The following TPO variants were observed in gnomAD, a reference collection of about 807,000 sequenced individuals.
TPO encodes thyroid peroxidase.
Under a neutral mutation model 96.9 loss-of-function variants are expected in TPO, and 78 were observed. That is an observed-to-expected ratio of 0.81 (90% CI 0.67 to 0.97). TPO has a LOEUF of 0.97. TPO is among the 50% of genes least tolerant of loss of function. The probability of loss-of-function intolerance (pLI) is 0.00; values close to 1 mark genes in which losing one functional copy is unlikely to be tolerated. For missense variants in TPO, 1,252 were observed against 1,274.8 expected (o/e 0.98, Z 0.27); for synonymous variants, 547 against 538.0 (o/e 1.02, Z -0.23).
At chr2:1,406,642 C>G (rs142206206) in intron 1 of TPO, among the ~76,000 whole-genome samples, 6 of 152,344 alleles carry the variant, frequency 3.9e-5, no homozygotes, top group Admixed American at 2.0e-4. Context: ...ATTAATCTCA[C>G]TTAGGGTCAC....
intron 3 of TPO, among the ~76,000 whole-genome samples, chr2:1,430,279 C>T (rs1167253049): frequency 6.6e-6 from 1 of 152,202 alleles, no homozygotes; most frequent in Non-Finnish European, 1.5e-5. Flanking sequence ...ACAGCTTGAA[C>T]AGTCCAAGCC....
intron 1 of TPO, among the ~76,000 whole-genome samples, chr2:1,393,904 C>G (rs140392956): frequency 1.8e-3 from 277 of 152,304 alleles, no homozygotes; most frequent in African/African-American, 6.3e-3. Flanking sequence ...AGTGGAGCTA[C>G]TATTTATTTC....
At chr2:1,427,515 C>A (rs897533792) in intron 3 of TPO, among the ~76,000 whole-genome samples, 6 of 152,164 alleles carry the variant, frequency 3.9e-5, no homozygotes, top group African/African-American at 1.2e-4. Flanking sequence ...CTGGCAGGCA[C>A]CCCTCGGACA....
intron 14 of TPO, among the ~76,000 whole-genome samples, chr2:1,514,015 A>G (rs1674430199): frequency 6.6e-6 from 1 of 152,198 alleles, no homozygotes; most frequent in Non-Finnish European, 1.5e-5. Context: ...CTATGTACCG[A>G]TATGTGAAAG....
chr2:1,527,858 C>CAT (rs1676974595), intron 15 of TPO, among the ~76,000 whole-genome samples: 1 of 41,198 alleles, frequency 2.4e-5, no homozygotes, highest in Non-Finnish European at 5.3e-5. Flanking sequence ...AAATCCCCCC[C>CAT]ACTGTGTTCA....
chr2:1,538,958 T>C (rs1262090486), intron 15 of TPO, among the ~76,000 whole-genome samples: 1 of 152,160 alleles, frequency 6.6e-6, no homozygotes, highest in African/African-American at 2.4e-5. Context: ...CCTCTGTCTT[T>C]ACCCGGCCTT....
chr2:1,446,939 A>C (rs1327515605), intron 5 of TPO, among the ~76,000 whole-genome samples: 1 of 152,170 alleles, frequency 6.6e-6, no homozygotes, highest in Non-Finnish European at 1.5e-5. Context: ...TCTGTGACCC[A>C]TCTCATTTTA....
intron 1 of TPO, among the ~76,000 whole-genome samples, chr2:1,399,237 A>C (rs1662129987): frequency 6.6e-6 from 1 of 152,198 alleles, no homozygotes; most frequent in Non-Finnish European, 1.5e-5. Context: ...CGTGCTCTCC[A>C]AGCCCTCCTG....
Position 1,462,541 on chromosome 2 carries a change from C to CACACACACACACACACACAT in TPO, c.819+6260_819+6261insCACACACACACACACACATA, listed in dbSNP as rs58980999. ...AAACACACACACACACACACACACA[C>CACACACACACACACACACAT]AGATATCAATGAAAGATAAATGAAC... is the stretch of plus-strand genomic sequence containing the variant. On this transcript the variant is annotated intron_variant, in intron 7 of 16. Transcript: ENST00000329066. Among the ~76,000 whole-genome samples the CACACACACACACACACACAT allele has an allele frequency of 2.8e-3, 418 of 148,004 alleles. 27 individuals are homozygous for CACACACACACACACACACAT. Among genetic ancestry groups the CACACACACACACACACACAT allele is most frequent in the African/African-American group, 0.01 (396 of 39,360 alleles).
intron 1 of TPO, among the ~76,000 whole-genome samples, chr2:1,404,486 ATTAAG>A (rs1662218994): frequency 6.6e-6 from 1 of 152,198 alleles, no homozygotes; most frequent in South Asian, 2.1e-4. Flanking sequence ...CAAAGAGGTA[ATTAAG>A]TTAAAGTAAG....
chr2:1,527,360 C>G (rs1676827764), intron 15 of TPO, among the ~76,000 whole-genome samples: 1 of 145,104 alleles, frequency 6.9e-6, no homozygotes, highest in Non-Finnish European at 1.5e-5. Context: ...GCAACCTCCC[C>G]AAATCCCCGC....
chr2:1,501,296 G>A (rs575982836), intron 13 of TPO, among the ~76,000 whole-genome samples: 1 of 152,324 alleles, frequency 6.6e-6, no homozygotes, highest in South Asian at 2.1e-4. Flanking sequence ...AACTCAAGGC[G>A]AAGCAGTCGG....
chr2:1,398,796 T>C (rs1483584218), intron 1 of TPO, among the ~76,000 whole-genome samples: 2 of 152,114 alleles, frequency 1.3e-5, no homozygotes, highest in African/African-American at 2.4e-5. Context: ...CAGCTGAGGA[T>C]TGCAGGGGCC....
intron 15 of TPO, among the ~76,000 whole-genome samples, chr2:1,524,496 C>A (rs1675965229): frequency 8.1e-6 from 1 of 123,656 alleles, no homozygotes; most frequent in South Asian, 3.1e-4. Flanking sequence ...CTCCTCAAAT[C>A]CTCCCACTGT....
chr2:1,383,114 C>T (rs1001920668), intron 1 of TPO, among the ~76,000 whole-genome samples: 2 of 152,074 alleles, frequency 1.3e-5, no homozygotes, highest in Non-Finnish European at 2.9e-5. Context: ...TTTCCTTAAT[C>T]CAGTCTATCA....
chr2:1,400,311 G>C (rs569412980), intron 1 of TPO, among the ~76,000 whole-genome samples: 22 of 152,208 alleles, frequency 1.4e-4, no homozygotes, highest in African/African-American at 5.3e-4. Flanking sequence ...TGGCCAACAT[G>C]GTGAAACCCT....
intron 7 of TPO, among the ~76,000 whole-genome samples, chr2:1,460,266 A>T (rs1469976356): frequency 6.6e-6 from 1 of 152,128 alleles, no homozygotes. Flanking sequence ...TCAGGACCCC[A>T]AAGTTCTCAT....
At chr2:1,421,504 C>T (rs1245764235) in intron 2 of TPO, among the ~76,000 whole-genome samples, 3 of 152,176 alleles carry the variant, frequency 2.0e-5, no homozygotes, top group Non-Finnish European at 2.9e-5. Context: ...TTAAGAATGC[C>T]GGCAACATCC....
At chr2:1,386,285 C>T (rs973984443) in intron 1 of TPO, among the ~76,000 whole-genome samples, 2 of 152,108 alleles carry the variant, frequency 1.3e-5, no homozygotes, top group Non-Finnish European at 2.9e-5. Context: ...CTTTCTGTCT[C>T]ATTGATCTGT....
Sources: gnomAD v4.1 joint callset for allele counts (sites outside exome capture counted in the v4.1 genomes callset) on GRCh38, gnomAD v4.1.1 for gene constraint, MANE v1.5 for transcripts, NCBI Gene and HGNC (gene_info 2026-07-23, HGNC 2026-07-21) for gene names.